CLCA1: variants seen among roughly 807,000 people sequenced by gnomAD.
CLCA1 encodes the protein chloride channel accessory 1.
In CLCA1, 59 loss-of-function variants were observed where a neutral mutation model predicts 85.6. The observed-to-expected ratio is 0.69, with a 90% CI of 0.56 to 0.86. CLCA1 has a LOEUF of 0.86. CLCA1 is among the 40% of genes least tolerant of loss of function. CLCA1 has a pLI of 0.00. For missense variants in CLCA1, 1,022 were observed against 1,101.4 expected, an observed-to-expected ratio of 0.93 and a Z score of 1.02; for synonymous variants, 396 against 398.3, an observed-to-expected ratio of 0.99 and a Z score of 0.07.
At chr1:86,478,424 C>T (rs1348583766) in intron 4 of CLCA1, among the ~76,000 whole-genome samples, 1 of 151,824 alleles carries the variant, frequency 6.6e-6, no homozygotes, top group Non-Finnish European at 1.5e-5. Flanking sequence ...AAGACTCCAT[C>T]CCCCCGAAAA....
chr1:86,479,767 C>T (rs377700730), intron 4 of CLCA1, among the ~76,000 whole-genome samples: 1 of 152,078 alleles, frequency 6.6e-6, no homozygotes, highest in African/African-American at 2.4e-5. Context: ...TGCCTGTAGT[C>T]CCAGCTACTT....
chr1:86,482,708 C>T (rs1340310581), intron 5 of CLCA1, among the ~76,000 whole-genome samples: 1 of 152,150 alleles, frequency 6.6e-6, no homozygotes, highest in African/African-American at 2.4e-5. Context: ...TTAGGCAGTT[C>T]CTTTTATTAG....
intron 3 of CLCA1, among the ~76,000 whole-genome samples, chr1:86,474,453 C>T (rs953162604): frequency 6.6e-6 from 1 of 151,574 alleles, no homozygotes; most frequent in Non-Finnish European, 1.5e-5. Flanking sequence ...ATTTGGGAGG[C>T]TGAGGCAGGA....
chr1:86,488,410 G>A (rs893576988), intron 7 of CLCA1, among the ~76,000 whole-genome samples: 1 of 152,138 alleles, frequency 6.6e-6, no homozygotes, highest in African/African-American at 2.4e-5. Context: ...AGGAGTAGTT[G>A]AGACATAGGT....
chr1:86,497,532 T>G (rs1648326104), intron 12 of CLCA1, among the ~76,000 whole-genome samples: 1 of 152,214 alleles, frequency 6.6e-6, no homozygotes, highest in Non-Finnish European at 1.5e-5. Context: ...GGATTACTTT[T>G]ATACATGTCT....
chr1:86,491,231 G>A (rs757572369), intron 8 of CLCA1, 34 bp from the exon 9 acceptor site: 2 of 1,525,678 alleles, frequency 1.3e-6, no homozygotes, highest in Admixed American at 1.7e-5. Context: ...TTGCTTTCTG[G>A]AAAATAATTT....
chr1:86,472,733 C>CA (rs1393712223), intron 1 of CLCA1, among the ~76,000 whole-genome samples: 2 of 151,494 alleles, frequency 1.3e-5, no homozygotes, highest in Admixed American at 6.6e-5. Flanking sequence ...CCACACTGCA[C>CA]AAAAAATAAA....
rs781270565 is a variant in CLCA1 at position 86,494,346 on chromosome 1, A to G, written c.1840A>G (p.Ile614Val). The G allele has an allele frequency of 1.2e-6, 2 of 1,614,082 alleles. No homozygotes were observed. The highest frequency in any genetic ancestry group is 1.7e-5 in the Admixed American group (1 of 60,012). Reference sequence around the variant, plus strand: ...CAGCCCTCTGGTAGTTTATGCAAATATTCGCCAAGGAGCCTCCCCAATTCT... The same window carrying G: ...CAGCCCTCTGGTAGTTTATGCAAATGTTCGCCAAGGAGCCTCCCCAATTCT... ...FPSPLVVYAN[I>V]RQGASPILRA... The change falls in exon 11 of 14, where the codon ATT (isoleucine) becomes GTT (valine). Residue 614 changes from isoleucine (I) to valine (V), a missense_variant. Transcript: ENST00000394711.
At chr1:86,498,186 GGATGGAAGGAAGGA>G (rs1648350647) in intron 12 of CLCA1, among the ~76,000 whole-genome samples, 3 of 76,272 alleles carry the variant, frequency 3.9e-5, no homozygotes, top group Non-Finnish European at 9.2e-5. Flanking sequence ...AAGGAAGGAA[GGATGGAAGGAAGGA>G]AGGAAGGAAA....
intron 3 of CLCA1, 113 bp downstream of exon 3, chr1:86,473,989 T>A: frequency 1.6e-6 from 1 of 636,716 alleles, no homozygotes; most frequent in Non-Finnish European, 2.4e-6. Flanking sequence ...CAATTAGAGA[T>A]AAAACATCAT....
At chr1:86,480,142 T>G (rs1480942255) in intron 4 of CLCA1, among the ~76,000 whole-genome samples, 1 of 152,170 alleles carries the variant, frequency 6.6e-6, no homozygotes, top group African/African-American at 2.4e-5. Context: ...ACTCTTTCAA[T>G]GCATTCAATC....
At chr1:86,482,501 C>G in intron 5 of CLCA1, 119 bp downstream of exon 5, 1 of 950,208 alleles carries the variant, frequency 1.1e-6, no homozygotes, top group Admixed American at 2.6e-5. Context: ...AGTGGATTAT[C>G]TCTGGGACAA....
intron 9 of CLCA1, 40 bp downstream of exon 9, chr1:86,491,411 A>G (rs1231296476): frequency 2.2e-6 from 3 of 1,349,112 alleles, no homozygotes; most frequent in Non-Finnish European, 3.2e-6. Context: ...ATTTACACAT[A>G]ATCATAGCCA....
chr1:86,491,224 CT>C (rs759590940), intron 8 of CLCA1, 40 bp from the exon 9 acceptor site: 8 of 1,476,990 alleles, frequency 5.4e-6, no homozygotes, highest in Non-Finnish European at 7.6e-6. Flanking sequence ...CAAATAGTTG[CT>C]TTCTGGAAAA....
chr1:86,486,141 C>T (rs1167195404), intron 6 of CLCA1, among the ~76,000 whole-genome samples: 9 of 152,146 alleles, frequency 5.9e-5, no homozygotes, highest in African/African-American at 1.9e-4. Context: ...AAACCACCTC[C>T]ATGTTCCTCC....
At chr1:86,470,052 G>A (rs1367958761) in intron 1 of CLCA1, among the ~76,000 whole-genome samples, 5 of 152,124 alleles carry the variant, frequency 3.3e-5, no homozygotes, top group African/African-American at 1.2e-4. Flanking sequence ...ATAGTGCCTG[G>A]TACATAGTAA....
chr1:86,476,661 A>G, intron 4 of CLCA1, 108 bp downstream of exon 4: 1 of 532,870 alleles, frequency 1.9e-6, no homozygotes, highest in South Asian at 3.6e-5. Flanking sequence ...TTCTAATTCA[A>G]ATTCATTCTT....
rs980873851 is a variant in CLCA1, at chr1:86,485,226, A to C, written c.736-117A>C. Reference sequence around the variant, plus strand: ...GTGATTTTCCCCAGCACTGTTCCACAGTGATTGTGCAATTGAGCCAAGGTT... The same window carrying C: ...GTGATTTTCCCCAGCACTGTTCCACCGTGATTGTGCAATTGAGCCAAGGTT... On this transcript the variant is annotated intron_variant, in intron 5 of 13. Transcript: ENST00000394711. 5.3e-6 allele frequency: 4 copies of C among 752,576 alleles called. No homozygotes were observed. The African/African-American group carries it at 7.1e-5, about 13-fold the overall frequency. 46.6% of individuals were successfully genotyped at this position (752,576 alleles called of 1,614,324 possible). A position where few individuals can be genotyped will look rare whatever the true frequency, so the allele number is the denominator to read the frequency against.
chr1:86,498,473 A>T, intron 12 of CLCA1, 99 bp from the exon 13 acceptor site: 1 of 1,177,624 alleles, frequency 8.5e-7, no homozygotes, highest in Non-Finnish European at 1.2e-6. Context: ...AAGAAGCAGA[A>T]GTGGGGAACA....
Sources: gnomAD v4.1 joint callset for allele counts (sites outside exome capture counted in the v4.1 genomes callset) on GRCh38, gnomAD v4.1.1 for gene constraint, MANE v1.5 for transcripts, NCBI Gene and HGNC (gene_info 2026-07-23, HGNC 2026-07-21) for gene names.